Variants in ILDR2 observed in about 807,000 individuals in gnomAD.
ILDR2 encodes the protein immunoglobulin like domain containing receptor 2.
Under a neutral mutation model 66.8 loss-of-function variants are expected in ILDR2, and 25 were observed. That is an observed-to-expected ratio of 0.37 (90% confidence interval 0.27 to 0.52). ILDR2 has a LOEUF of 0.52. Ranked by LOEUF, ILDR2 falls within the 20% of genes least tolerant of loss-of-function variation. ILDR2 has a pLI of 0.88. For missense variants in ILDR2, 827 were observed against 876.8 expected, an observed-to-expected ratio of 0.94 and a Z score of 0.72; for synonymous variants, 367 against 357.2, an observed-to-expected ratio of 1.03 and a Z score of -0.31.
chr1:166,929,641 G>T (rs1207068060), intron 6 of ILDR2, among the ~76,000 whole-genome samples: 2 of 152,212 alleles, frequency 1.3e-5, no homozygotes, highest in Non-Finnish European at 2.9e-5. Context: ...CTGAGAGCAA[G>T]GACTAGGTTC....
chr1:166,909,406 T>C lies in ILDR2; in HGVS notation c.*9949A>G, dbSNP rs1251382278. 2 of 152,262 alleles carry C rather than the reference T, an allele frequency of 1.3e-5. No individual in the cohort carries two copies. The highest frequency in any genetic ancestry group is 3.9e-4 in the East Asian group (2 of 5,180). 9.4% of individuals were successfully genotyped at this position (152,262 alleles called of 1,614,324 possible). On this transcript the variant is annotated 3_prime_UTR_variant, in exon 10 of 10. Coordinates refer to ENST00000271417, the MANE Select transcript of ILDR2 (RefSeq NM_199351.3). ...CTCAGTTCCTACAGCTCTTCCAGCCTGTGAGCTACTCCAGGATCTCTCTAA... is the reference window on the plus strand; with the variant it reads ...CTCAGTTCCTACAGCTCTTCCAGCCCGTGAGCTACTCCAGGATCTCTCTAA...
Position 166,918,913 on chromosome 1 carries a change from A to C in ILDR2, c.*442T>G. Reference sequence around the variant, plus strand: ...CTTGAAGCTATCTTCCCTTGTCAGAAGAAGGCCTTCTAATAGTAGTAATAA... The same window carrying C: ...CTTGAAGCTATCTTCCCTTGTCAGACGAAGGCCTTCTAATAGTAGTAATAA... On this transcript the variant is annotated 3_prime_UTR_variant, in exon 10 of 10. Transcript: ENST00000271417. 1 of 234,678 alleles carries C rather than the reference A, an allele frequency of 4.3e-6. No homozygotes were observed. The highest frequency in any genetic ancestry group is 8.3e-5 in the East Asian group (1 of 12,092). 14.5% of individuals were successfully genotyped at this position (234,678 alleles called of 1,614,324 possible). A position where few individuals can be genotyped will look rare whatever the true frequency, so the allele number is the denominator to read the frequency against.
intron 7 of ILDR2, among the ~76,000 whole-genome samples, chr1:166,925,742 C>G (rs1660240104): frequency 1.3e-5 from 2 of 152,210 alleles, no homozygotes; most frequent in Non-Finnish European, 2.9e-5. Flanking sequence ...CCCTTTGACT[C>G]TAAGAGTCCA....
At chr1:166,965,203 T>C (rs1268196496) in intron 1 of ILDR2, among the ~76,000 whole-genome samples, 1 of 152,246 alleles carries the variant, frequency 6.6e-6, no homozygotes, top group African/African-American at 2.4e-5. Context: ...TCTGAAATGC[T>C]TGGGACCAGT....
At chr1:166,930,355 T>G (rs917278935) in intron 6 of ILDR2, among the ~76,000 whole-genome samples, 1 of 152,188 alleles carries the variant, frequency 6.6e-6, no homozygotes, top group African/African-American at 2.4e-5. Context: ...ACCAGATACT[T>G]TCAGCCTTGA....
At chr1:166,901,730 G>T (rs1659269242) in intron 2 of ILDR2, among the ~76,000 whole-genome samples, 1 of 152,140 alleles carries the variant, frequency 6.6e-6, no homozygotes, top group Non-Finnish European at 1.5e-5. Context: ...TTATTTTTCT[G>T]CCTTCTTCCC....
At chr1:166,956,647 C>G in intron 3 of ILDR2, 86 bp downstream of exon 3, 1 of 1,469,642 alleles carries the variant, frequency 6.8e-7, no homozygotes. Flanking sequence ...TGCTAATGCA[C>G]ACAGGGGAGA....
chr1:166,935,277 A>G lies in ILDR2; in HGVS notation c.880+24T>C, dbSNP rs771209064. 8 of 1,613,444 alleles carry G rather than the reference A, an allele frequency of 5.0e-6. 1 individual carries two copies. The East Asian group carries it at 1.1e-4, about 22-fold the overall frequency. ...GTGGGGGCCCGAGACAAGCATGGGC[A>G]GGGCAGTCTGGAACTACATTTACCA... On this transcript the variant is annotated intron_variant, in intron 6 of 9. Transcript: ENST00000271417.
Position 166,920,914 on chromosome 1 carries a change from G to A in ILDR2, c.1677C>T (p.Gly559=), listed in dbSNP as rs773804625. 1 of 1,473,336 alleles carries A rather than the reference G, an allele frequency of 6.8e-7. No homozygotes were observed. Among genetic ancestry groups the A allele is most frequent in the South Asian group, 1.3e-5 (1 of 76,434 alleles). 91.3% of individuals were successfully genotyped at this position (1,473,336 alleles called of 1,614,324 possible). The stretch of plus-strand genomic sequence containing the variant: ...AAGCGTAGTAGGAGGCGCTGCGCGG[G>A]CCGAGCTGCGCGCTCCGCTTGGATG... ...ETPSKRSAQL[G]PRSASYYAWS... The change falls in exon 9 of 10, where the codon GGC becomes GGT. Residue 559 remains glycine, a synonymous_variant. Transcript: ENST00000271417.
intron 3 of ILDR2, among the ~76,000 whole-genome samples, chr1:166,946,305 TA>T (rs1172609129): frequency 1.3e-5 from 2 of 152,220 alleles, no homozygotes; most frequent in African/African-American, 4.8e-5. Context: ...TATATATTTA[TA>T]AACTATGTTC....
At chr1:166,925,911 G>T (rs1021914672) in intron 7 of ILDR2, among the ~76,000 whole-genome samples, 2 of 152,124 alleles carry the variant, frequency 1.3e-5, no homozygotes, top group Non-Finnish European at 2.9e-5. Context: ...CTCCTCTGTG[G>T]TCCCTGACTC....
intron 3 of ILDR2, among the ~76,000 whole-genome samples, chr1:166,947,660 C>A (rs1360845190): frequency 6.6e-6 from 1 of 152,164 alleles, no homozygotes; most frequent in Admixed American, 6.5e-5. Context: ...CTGCCCCCAG[C>A]CCCCGTTTCC....
At chr1:166,963,777 C>T (rs1322729914) in intron 1 of ILDR2, among the ~76,000 whole-genome samples, 2 of 152,164 alleles carry the variant, frequency 1.3e-5, no homozygotes, top group African/African-American at 4.8e-5. Flanking sequence ...GTTATCCCCT[C>T]CTCCTGGGCA....
chr1:166,920,381 C>T (rs965504300), intron 9 of ILDR2, among the ~76,000 whole-genome samples: 2 of 152,170 alleles, frequency 1.3e-5, no homozygotes, highest in Non-Finnish European at 2.9e-5. Flanking sequence ...TGATGGCTCC[C>T]GAGATCCCTG....
intron 6 of ILDR2, among the ~76,000 whole-genome samples, chr1:166,934,427 T>C (rs1313373525): frequency 1.3e-5 from 2 of 152,188 alleles, no homozygotes; most frequent in African/African-American, 2.4e-5. Flanking sequence ...TTCACTCCCA[T>C]TGTCTCCATC....
rs1005784960 is a variant in ILDR2 at position 166,936,437 on chromosome 1, G to A, written c.703+154C>T. On this transcript the variant is annotated intron_variant, in intron 5 of 9. Coordinates refer to ENST00000271417, the MANE Select transcript of ILDR2 (RefSeq NM_199351.3). The surrounding 1 kb of genome is among the most constrained non-coding windows in gnomAD (Gnocchi z 5.0). ...GGCAAATGAGAATGGTCATCCCTGAGGCCAGGGGCACCCAGCGGAGAAGAG... is the reference window on the plus strand; with the variant it reads ...GGCAAATGAGAATGGTCATCCCTGAAGCCAGGGGCACCCAGCGGAGAAGAG... Among the ~76,000 whole-genome samples the A allele has an allele frequency of 6.6e-6, 1 of 152,200 alleles. No individual in the cohort carries two copies. The highest frequency in any genetic ancestry group is 1.5e-5 in the Non-Finnish European group (1 of 68,046).
chr1:166,958,687 A>G (rs1029098721), intron 1 of ILDR2, among the ~76,000 whole-genome samples: 2 of 152,156 alleles, frequency 1.3e-5, no homozygotes, highest in African/African-American at 2.4e-5. Flanking sequence ...AGTCACATCA[A>G]CTTAATCTCT....
In ILDR2 at chr1:166,912,669, G is replaced by C. The variant is rs775480272; in HGVS notation, c.*6686C>G. On this transcript the variant is annotated 3_prime_UTR_variant, in exon 10 of 10. Transcript: ENST00000271417. ...CTGCTTGACAAGGCCACTAAAATCT[G>C]GAATTCCCTTGAGAGGGCTTAGCCA... is the stretch of plus-strand genomic sequence containing the variant. 6.6e-6 allele frequency: 1 copy of C among 152,128 alleles called. No individual in the cohort carries two copies. Among genetic ancestry groups the C allele is most frequent in the Non-Finnish European group, 1.5e-5 (1 of 68,014 alleles). The allele number at this position is 152,128 out of a possible 1,614,324, so 9.4% of individuals were successfully genotyped here.
At chr1:166,974,236 C>T (rs950744473) in intron 1 of ILDR2, among the ~76,000 whole-genome samples, 6 of 152,140 alleles carry the variant, frequency 3.9e-5, no homozygotes, top group African/African-American at 1.4e-4. Context: ...TCTGCCTCCA[C>T]CTTGATTTGA....
Sources: allele counts gnomAD v4.1 joint callset (sites outside exome capture counted in the v4.1 genomes callset), GRCh38; gene constraint gnomAD v4.1.1; non-coding constraint Gnocchi (gnomAD v3.1); transcripts MANE v1.5; gene names NCBI Gene and HGNC (gene_info 2026-07-23, HGNC 2026-07-21).